Variants in IGF1R observed in about 807,000 individuals in gnomAD.
IGF1R encodes insulin-like growth factor 1 receptor.
A neutral mutation model predicts 144.6 loss-of-function variants in IGF1R; 44 were observed. That is an observed-to-expected ratio of 0.30 (90% CI 0.24 to 0.39). IGF1R has a LOEUF of 0.39. Among genes scored for constraint, IGF1R ranks in the 10% least tolerant of loss-of-function variants. The pLI, the probability that IGF1R is intolerant of heterozygous loss-of-function variation, is 1.00. For missense variants in IGF1R, 1,355 were observed against 1,833.7 expected (o/e 0.74, Z 4.77); for synonymous variants, 795 against 722.8 (o/e 1.10, Z -1.60).
chr15:98,731,774 C>G (rs1465124943), intron 2 of IGF1R, among the ~76,000 whole-genome samples: 1 of 152,214 alleles, frequency 6.6e-6, no homozygotes, highest in African/African-American at 2.4e-5. Flanking sequence ...GAGGCTTGTA[C>G]ATAGCCGTGA....
chr15:98,740,774 C>T (rs1178011216), intron 2 of IGF1R, among the ~76,000 whole-genome samples: 1 of 152,228 alleles, frequency 6.6e-6, no homozygotes. Context: ...CTAGGATCCA[C>T]ACAGTTTAAA....
At chr15:98,822,521 T>G (rs1479430221) in intron 2 of IGF1R, among the ~76,000 whole-genome samples, 1 of 152,216 alleles carries the variant, frequency 6.6e-6, no homozygotes, top group Non-Finnish European at 1.5e-5. Flanking sequence ...TTTGACCCAT[T>G]GTATTGAGAG....
At chr15:98,840,368 T>G (rs1201338490) in intron 2 of IGF1R, among the ~76,000 whole-genome samples, 1 of 152,254 alleles carries the variant, frequency 6.6e-6, no homozygotes, top group Non-Finnish European at 1.5e-5. Context: ...TGTTATCATC[T>G]AAACCAATGG....
intron 1 of IGF1R, among the ~76,000 whole-genome samples, chr15:98,657,083 AAT>A (rs2052503432): frequency 6.6e-6 from 1 of 152,226 alleles, no homozygotes; most frequent in African/African-American, 2.4e-5. Context: ...TGCTGTAAAA[AAT>A]ATAGTCGTGG....
rs527636422 is a variant in IGF1R at position 98,896,684 on chromosome 15, C to G, written c.954-73C>G. On this transcript the variant is annotated intron_variant, in intron 3 of 20. Coordinates refer to ENST00000650285, the MANE Select transcript of IGF1R (RefSeq NM_000875.5). ...CTGTAATAACAATGAAAAGCATATC[C>G]TTATGGTTTTTTTAATGCAAGAAGA... 2.1e-5 allele frequency: 30 copies of G among 1,450,376 alleles called. No homozygotes were observed. In the Middle Eastern group the frequency reaches 8.7e-4, roughly 42 times the overall value. The allele number at this position is 1,450,376 out of a possible 1,614,324, so 89.8% of individuals were successfully genotyped here. A position where few individuals can be genotyped will look rare whatever the true frequency, so the allele number is the denominator to read the frequency against.
chr15:98,752,056 A>G (rs985174725), intron 2 of IGF1R, among the ~76,000 whole-genome samples: 9 of 152,152 alleles, frequency 5.9e-5, no homozygotes, highest in African/African-American at 2.2e-4. Context: ...CTCTGTGCAG[A>G]CTTGTAGACA....
Position 98,800,071 on chromosome 15 carries a change from T to TA in IGF1R, c.641-91249dup, listed in dbSNP as rs2056329657. The stretch of plus-strand genomic sequence containing the variant: ...CTGCTTTGAAGAAGGCTGCTGAGTC[T>TA]AAAAAGTTTGGTAGCCTCTCGTTTC... On this transcript the variant is annotated intron_variant, in intron 2 of 20. Coordinates refer to ENST00000650285, the MANE Select transcript of IGF1R (RefSeq NM_000875.5). Among the ~76,000 whole-genome samples, 3 of 152,222 alleles carry TA rather than the reference T, an allele frequency of 2.0e-5. No individual in the cohort carries two copies. In the South Asian group the frequency reaches 6.2e-4, roughly 32 times the overall value.
intron 2 of IGF1R, among the ~76,000 whole-genome samples, chr15:98,828,837 A>G (rs2056949378): frequency 6.8e-6 from 1 of 147,266 alleles, no homozygotes; most frequent in Non-Finnish European, 1.5e-5. Flanking sequence ...GGGAATGCCT[A>G]ATATGTACTG....
rs1596498684 is a variant in IGF1R at position 98,960,215 on chromosome 15, G to A, written c.*2773G>A. ...AGGGGGAAGCCAGGCTGTATTCCGG[G>A]GTCAAAGCAACACTAACTCACCTCT... On this transcript the variant is annotated 3_prime_UTR_variant, in exon 21 of 21. Coordinates refer to ENST00000650285, the MANE Select transcript of IGF1R (RefSeq NM_000875.5). 2 of 233,536 alleles carry A rather than the reference G, an allele frequency of 8.6e-6. No homozygotes were observed. The highest frequency in any genetic ancestry group is 4.4e-5 in the African/African-American group (2 of 45,348). The allele number at this position is 233,536 out of a possible 1,614,324, so 14.5% of individuals were successfully genotyped here.
intron 1 of IGF1R, among the ~76,000 whole-genome samples, chr15:98,698,696 C>T (rs764700400): frequency 7.2e-5 from 11 of 152,172 alleles, no homozygotes; most frequent in Non-Finnish European, 1.2e-4. Context: ...GGTGATGGAT[C>T]CAAGAGGTAG....
intron 20 of IGF1R, among the ~76,000 whole-genome samples, chr15:98,951,611 G>A (rs978733351): frequency 1.3e-4 from 20 of 152,236 alleles, no homozygotes; most frequent in African/African-American, 4.8e-4. Context: ...CCAGCTGTCC[G>A]CCGGGGCTGC....
At chr15:98,802,227 G>A (rs1171524446) in intron 2 of IGF1R, among the ~76,000 whole-genome samples, 1 of 152,186 alleles carries the variant, frequency 6.6e-6, no homozygotes, top group African/African-American at 2.4e-5. Flanking sequence ...AGCCAGTCTC[G>A]GATCCTGATT....
At chr15:98,741,511 G>A (rs1352680011) in intron 2 of IGF1R, among the ~76,000 whole-genome samples, 3 of 152,236 alleles carry the variant, frequency 2.0e-5, no homozygotes, top group Admixed American at 6.5e-5. Flanking sequence ...TTGGAAAATA[G>A]CATCCTCTTA....
chr15:98,889,630 T>G (rs1270154516), intron 2 of IGF1R, among the ~76,000 whole-genome samples: 2 of 152,236 alleles, frequency 1.3e-5, no homozygotes, highest in Non-Finnish European at 2.9e-5. Flanking sequence ...TGGCTTGTCT[T>G]TTTTGTAGAT....
chr15:98,921,921 C>T (rs1228349788), intron 10 of IGF1R, among the ~76,000 whole-genome samples: 1 of 151,942 alleles, frequency 6.6e-6, no homozygotes, highest in Non-Finnish European at 1.5e-5. Context: ...ACTCTGAGAG[C>T]CGGGGGGTGG....
At chr15:98,862,236 T>G (rs1567166386) in intron 2 of IGF1R, among the ~76,000 whole-genome samples, 1 of 152,228 alleles carries the variant, frequency 6.6e-6, no homozygotes. Context: ...GCAGGGTATA[T>G]GGGCAAGTTA....
chr15:98,706,322 T>G (rs8037116), intron 1 of IGF1R, among the ~76,000 whole-genome samples: 7,983 of 152,360 alleles, frequency 0.052, 302 homozygotes, highest in African/African-American at 0.1. Context: ...ATAGTGTACT[T>G]GGGATTATTA....
At chr15:98,869,522 A>G (rs946043975) in intron 2 of IGF1R, among the ~76,000 whole-genome samples, 1 of 141,662 alleles carries the variant, frequency 7.1e-6, no homozygotes, top group African/African-American at 2.7e-5. Flanking sequence ...CGCAACCTCC[A>G]CCTCTCGGGT....
intron 1 of IGF1R, among the ~76,000 whole-genome samples, chr15:98,659,663 A>G (rs987007592): frequency 5.3e-5 from 8 of 152,188 alleles, no homozygotes; most frequent in African/African-American, 1.9e-4. Flanking sequence ...ACTCCATGGC[A>G]GAGCTGTTAA....
Sources: allele counts gnomAD v4.1 joint callset (sites outside exome capture counted in the v4.1 genomes callset), GRCh38; gene constraint gnomAD v4.1.1; transcripts MANE v1.5; gene names NCBI Gene and HGNC (gene_info 2026-07-23, HGNC 2026-07-21).